INSR: variants seen among roughly 807,000 people sequenced by gnomAD.
INSR encodes insulin receptor, also known as IR.
In INSR, 67 loss-of-function variants were observed where a neutral mutation model predicts 142.6. The observed-to-expected ratio is 0.47, with a 90% CI of 0.39 to 0.58. INSR has a LOEUF of 0.58. INSR is among the 20% of genes least tolerant of loss of function. INSR has a pLI of 0.00. For missense variants in INSR, 1,248 were observed against 1,833.2 expected, an observed-to-expected ratio of 0.68 and a Z score of 5.83; for synonymous variants, 756 against 743.1, an observed-to-expected ratio of 1.02 and a Z score of -0.28.
At chr19:7,180,940 C>T (rs1906606415) in intron 3 of INSR, among the ~76,000 whole-genome samples, 1 of 151,880 alleles carries the variant, frequency 6.6e-6, no homozygotes, top group South Asian at 2.1e-4. Flanking sequence ...ATCAGATGAC[C>T]ACTTTTATTT....
intron 2 of INSR, among the ~76,000 whole-genome samples, chr19:7,263,825 A>G (rs908679735): frequency 6.6e-6 from 1 of 152,068 alleles, no homozygotes; most frequent in Admixed American, 6.6e-5. Flanking sequence ...GAAATTTGAG[A>G]CCAGCCTGAC....
intron 2 of INSR, among the ~76,000 whole-genome samples, chr19:7,244,847 CT>C (rs1294588881): frequency 2.0e-5 from 3 of 149,506 alleles, no homozygotes; most frequent in Non-Finnish European, 4.4e-5. Context: ...GCGAGCTGCA[CT>C]TTTTTTCCTC....
At chr19:7,183,167 T>C (rs921472069) in intron 3 of INSR, among the ~76,000 whole-genome samples, 9 of 152,122 alleles carry the variant, frequency 5.9e-5, no homozygotes, top group Non-Finnish European at 1.0e-4. Context: ...GCTTGGCTAA[T>C]TCTCAAGTCT....
chr19:7,161,578 G>A (rs1400119445), intron 9 of INSR, among the ~76,000 whole-genome samples: 2 of 152,042 alleles, frequency 1.3e-5, no homozygotes, highest in Non-Finnish European at 2.9e-5. Context: ...ATGGGGTGGG[G>A]GATATGAGAT....
Position 7,168,580 on chromosome 19 carries a change from A to T in INSR, c.1484-486T>A, listed in dbSNP as rs1973940944. ...ATCTAAGTAATTCTCTCTGCCTAGAAGACAAACCCTCTCCTAAACCTCACC... is the reference window on the plus strand; with the variant it reads ...ATCTAAGTAATTCTCTCTGCCTAGATGACAAACCCTCTCCTAAACCTCACC... On this transcript the variant is annotated intron_variant, in intron 6 of 21. Coordinates refer to ENST00000302850, the MANE Select transcript of INSR (RefSeq NM_000208.4). This position sits in a 1 kb window ranked among gnomAD's most constrained non-coding sequence, Gnocchi z 4.3. 6.6e-6 allele frequency among the ~76,000 whole-genome samples: 1 copy of T among 152,172 alleles called. No homozygotes were observed. Among genetic ancestry groups the T allele is most frequent in the African/African-American group, 2.4e-5 (1 of 41,448 alleles).
intron 2 of INSR, among the ~76,000 whole-genome samples, chr19:7,189,664 CTTTT>C (rs35476514): frequency 7.1e-6 from 1 of 141,552 alleles, no homozygotes. Flanking sequence ...TTTACTATTA[CTTTT>C]TTTTTTTTTT....
intron 2 of INSR, among the ~76,000 whole-genome samples, chr19:7,234,563 C>T (rs190057578): frequency 6.6e-6 from 1 of 152,172 alleles, no homozygotes; most frequent in Non-Finnish European, 1.5e-5. Flanking sequence ...AACACTACGC[C>T]ATTTTATGTC....
intron 2 of INSR, among the ~76,000 whole-genome samples, chr19:7,224,130 G>A (rs1600054559): frequency 1.3e-5 from 2 of 151,758 alleles, no homozygotes; most frequent in South Asian, 4.2e-4. Context: ...TTTTAGTAGA[G>A]ACGGGGTTTC....
intron 2 of INSR, among the ~76,000 whole-genome samples, chr19:7,207,441 T>C (rs1035915878): frequency 1.3e-5 from 2 of 150,568 alleles, no homozygotes; most frequent in Non-Finnish European, 3.0e-5. Context: ...CAAAACAAAA[T>C]AAAAAATTAA....
chr19:7,175,592 T>C (rs924241793), intron 3 of INSR, among the ~76,000 whole-genome samples: 15 of 152,268 alleles, frequency 9.9e-5, no homozygotes, highest in Middle Eastern at 6.8e-3. Context: ...CCCAGCACTT[T>C]GGGAGTCCGA....
At chr19:7,177,583 A>G (rs1207713648) in intron 3 of INSR, among the ~76,000 whole-genome samples, 2 of 151,652 alleles carry the variant, frequency 1.3e-5, no homozygotes, top group East Asian at 3.9e-4. Flanking sequence ...GCTGGAGTAC[A>G]ATGGCACGAT....
chr19:7,236,083 C>G (rs1276171169), intron 2 of INSR, among the ~76,000 whole-genome samples: 2 of 151,044 alleles, frequency 1.3e-5, no homozygotes, highest in Non-Finnish European at 2.9e-5. Flanking sequence ...AAGCAATTCT[C>G]CCACCATAGC....
At chr19:7,278,397 T>G (rs1419768757) in intron 1 of INSR, among the ~76,000 whole-genome samples, 1 of 152,192 alleles carries the variant, frequency 6.6e-6, no homozygotes, top group Non-Finnish European at 1.5e-5. Context: ...AAAGCAAAGA[T>G]GCCCCCTCAG....
At chr19:7,169,598 A>AG in intron 6 of INSR, among the ~76,000 whole-genome samples, 1 of 146,130 alleles carries the variant, frequency 6.8e-6, no homozygotes, top group African/African-American at 2.6e-5. Context: ...AAAAAAAAAA[A>AG]GAAGCTCTTC....
chr19:7,270,985 C>T (rs1428620381), intron 1 of INSR, among the ~76,000 whole-genome samples: 1 of 151,658 alleles, frequency 6.6e-6, no homozygotes, highest in Non-Finnish European at 1.5e-5. Flanking sequence ...TGGCATGAAC[C>T]CGGGAGGCGG....
At chr19:7,284,040 G>T (rs1968277598) in intron 1 of INSR, among the ~76,000 whole-genome samples, 1 of 151,996 alleles carries the variant, frequency 6.6e-6, no homozygotes, top group Admixed American at 6.6e-5. Flanking sequence ...CTTTGTGTGT[G>T]TGTGTTGGTT....
At chr19:7,151,197 TTTCTTTC>T (rs1334413176) in intron 10 of INSR, among the ~76,000 whole-genome samples, 15 of 110,572 alleles carry the variant, frequency 1.4e-4, no homozygotes, top group Non-Finnish European at 2.4e-4. Context: ...TCTTTCTTTC[TTTCTTTC>T]TTTCTTTTTC....
At chr19:7,220,679 T>C (rs4804409) in intron 2 of INSR, among the ~76,000 whole-genome samples, 103,705 of 152,106 alleles carry the variant, frequency 0.68, 35,783 homozygotes, top group Non-Finnish European at 0.74. Context: ...GAGCATATGT[T>C]ATGCAGTGAC....
At chr19:7,152,391 AAAAGAG>A (rs1973390799) in intron 10 of INSR, 86 of 298,256 alleles carry the variant, frequency 2.9e-4, no homozygotes, top group South Asian at 2.1e-3. Context: ...AAAAAAAAAA[AAAAGAG>A]AGAGAGAGAA....
Sources: gnomAD v4.1 joint callset for allele counts (sites outside exome capture counted in the v4.1 genomes callset) on GRCh38, gnomAD v4.1.1 for gene constraint, Gnocchi (gnomAD v3.1) non-coding constraint, MANE v1.5 for transcripts, NCBI Gene and HGNC (gene_info 2026-07-23, HGNC 2026-07-21) for gene names.